The following LRRC4C variants were observed in gnomAD, a reference collection of about 807,000 sequenced individuals.
LRRC4C encodes leucine-rich repeat-containing protein 4C.
LRRC4C carries 5 observed loss-of-function variants against 33.6 expected under a neutral mutation model. The observed-to-expected ratio is 0.15, with a 90% CI of 0.08 to 0.31. The LOEUF (loss-of-function observed/expected upper bound fraction) is 0.31, where lower values mean the gene tolerates loss of function less well. Ranked by LOEUF, LRRC4C falls within the 10% of genes least tolerant of loss-of-function variation. The probability of loss-of-function intolerance (pLI) is 1.00; values close to 1 mark genes in which losing one functional copy is unlikely to be tolerated. For missense variants in LRRC4C, 560 were observed against 796.7 expected (o/e 0.70, Z 3.58); for synonymous variants, 329 against 302.0 (o/e 1.09, Z -0.93).
At chr11:40,610,864 G>A (rs1961145503) in intron 3 of LRRC4C, among the ~76,000 whole-genome samples, 1 of 151,706 alleles carries the variant, frequency 6.6e-6, no homozygotes, top group African/African-American at 2.4e-5. Context: ...TTACTGAAAG[G>A]AATTAAAGAA....
At chr11:41,383,518 A>G (rs1953237114) in intron 1 of LRRC4C, among the ~76,000 whole-genome samples, 1 of 152,030 alleles carries the variant, frequency 6.6e-6, no homozygotes, top group African/African-American at 2.4e-5. Context: ...TTCATATTTG[A>G]TATGTGTACA....
intron 3 of LRRC4C, among the ~76,000 whole-genome samples, chr11:40,320,508 A>T (rs1386894546): frequency 6.6e-6 from 1 of 152,176 alleles, no homozygotes; most frequent in African/African-American, 2.4e-5. Context: ...TCTGTCTCAA[A>T]AATAAATACA....
At chr11:41,458,582 C>T (rs899347108) in intron 1 of LRRC4C, among the ~76,000 whole-genome samples, 8 of 151,786 alleles carry the variant, frequency 5.3e-5, no homozygotes, top group Middle Eastern at 3.2e-3. Flanking sequence ...GCACAGTTAA[C>T]TACCAGGAAA....
chr11:41,028,706 G>A (rs1452431077), intron 1 of LRRC4C, among the ~76,000 whole-genome samples: 2 of 151,378 alleles, frequency 1.3e-5, no homozygotes, highest in African/African-American at 4.8e-5. Flanking sequence ...CATACTAGTT[G>A]CTAATTTATC....
At chr11:40,218,066 A>C (rs1029317705) in intron 5 of LRRC4C, among the ~76,000 whole-genome samples, 3 of 152,156 alleles carry the variant, frequency 2.0e-5, no homozygotes, top group Non-Finnish European at 4.4e-5. Context: ...GAAGGTTTAT[A>C]ATGTGACAGG....
chr11:40,558,113 A>G (rs529287327), intron 3 of LRRC4C, among the ~76,000 whole-genome samples: 1 of 152,330 alleles, frequency 6.6e-6, no homozygotes, highest in African/African-American at 2.4e-5. Flanking sequence ...TAGCACTGCA[A>G]TTACTGTTCA....
intron 5 of LRRC4C, among the ~76,000 whole-genome samples, chr11:40,172,616 T>C (rs781623617): frequency 6.0e-4 from 92 of 152,074 alleles, no homozygotes; most frequent in Non-Finnish European, 1.2e-3. Flanking sequence ...TTGTTCCTTC[T>C]GCTTGAAACT....
chr11:40,945,521 G>A (rs1381581156), intron 1 of LRRC4C, among the ~76,000 whole-genome samples: 1 of 152,098 alleles, frequency 6.6e-6, no homozygotes, highest in Non-Finnish European at 1.5e-5. Context: ...CCCTTAATAT[G>A]TAGTATCCAT....
intron 1 of LRRC4C, among the ~76,000 whole-genome samples, chr11:41,152,745 C>T (rs1028938864): frequency 7.2e-5 from 11 of 152,052 alleles, no homozygotes; most frequent in African/African-American, 2.7e-4. Flanking sequence ...TCATAAATAG[C>T]TAATACTGTA....
intron 1 of LRRC4C, among the ~76,000 whole-genome samples, chr11:41,075,429 A>G (rs190358808): frequency 6.6e-5 from 10 of 152,264 alleles, no homozygotes; most frequent in African/African-American, 2.4e-4. Flanking sequence ...ATGGGCTTTT[A>G]AATTTTTCTC....
At chr11:40,429,039 T>C (rs1430222072) in intron 3 of LRRC4C, among the ~76,000 whole-genome samples, 1 of 152,196 alleles carries the variant, frequency 6.6e-6, no homozygotes, top group African/African-American at 2.4e-5. Context: ...AAAGATTATG[T>C]TGTTCTTCAA....
chr11:40,896,057 T>G (rs971525335), intron 2 of LRRC4C, among the ~76,000 whole-genome samples: 2 of 152,188 alleles, frequency 1.3e-5, no homozygotes, highest in African/African-American at 4.8e-5. Flanking sequence ...TATACACAGT[T>G]CATCTTTTGG....
At chr11:40,842,908 T>G (rs1952976476) in intron 2 of LRRC4C, among the ~76,000 whole-genome samples, 1 of 152,164 alleles carries the variant, frequency 6.6e-6, no homozygotes, top group Non-Finnish European at 1.5e-5. Context: ...TTTTGTAGAA[T>G]TTGCAAAGTG....
chr11:40,371,587 C>T (rs1948450698), intron 3 of LRRC4C, among the ~76,000 whole-genome samples: 1 of 152,084 alleles, frequency 6.6e-6, no homozygotes, highest in South Asian at 2.1e-4. Context: ...AGCATTTTAA[C>T]CCTTTCGGAT....
At chr11:41,425,881 G>A (rs1007147889) in intron 1 of LRRC4C, among the ~76,000 whole-genome samples, 2 of 152,014 alleles carry the variant, frequency 1.3e-5, no homozygotes, top group African/African-American at 4.8e-5. Flanking sequence ...GTGAGCACGT[G>A]GGTAAGGGAT....
rs562117201 is a variant in LRRC4C, at chr11:40,322,251, C to CT, written c.-269-2531dup. ...TTGCATGTTTTAAAAAAGAAATTCA[C>CT]TTTTTTTTTTCTGAGACAGAGTCTT... On this transcript the variant is annotated intron_variant, in intron 3 of 6. Coordinates refer to ENST00000528697, the MANE Select transcript of LRRC4C (RefSeq NM_001258419.2). Among the ~76,000 whole-genome samples the CT allele has an allele frequency of 8.7e-3, 1,301 of 149,728 alleles. 15 individuals are homozygous for CT. The highest frequency in any genetic ancestry group is 0.03 in the African/African-American group (1,214 of 40,890).
At chr11:41,258,858 T>C (rs1019309073) in intron 1 of LRRC4C, among the ~76,000 whole-genome samples, 1 of 152,024 alleles carries the variant, frequency 6.6e-6, no homozygotes, top group African/African-American at 2.4e-5. Flanking sequence ...CTCTCAGAGC[T>C]GAGTTGTACT....
chr11:40,994,944 A>G (rs1198312588), intron 1 of LRRC4C, among the ~76,000 whole-genome samples: 3 of 152,128 alleles, frequency 2.0e-5, no homozygotes, highest in Non-Finnish European at 4.4e-5. Context: ...TGGCTCAACC[A>G]TAAAATGTGA....
At chr11:40,333,975 A>G (rs764205631) in intron 3 of LRRC4C, among the ~76,000 whole-genome samples, 1 of 152,078 alleles carries the variant, frequency 6.6e-6, no homozygotes, top group Non-Finnish European at 1.5e-5. Context: ...GATAACCCCA[A>G]TTATCTTAGT....
Sources: gnomAD v4.1 joint callset for allele counts (sites outside exome capture counted in the v4.1 genomes callset) on GRCh38, gnomAD v4.1.1 for gene constraint, MANE v1.5 for transcripts, NCBI Gene and HGNC (gene_info 2026-07-23, HGNC 2026-07-21) for gene names.